The following HTR2A variants were observed in gnomAD, a reference collection of about 807,000 sequenced individuals.
The protein encoded by HTR2A is 5-HT2 receptor.
In HTR2A, 14 loss-of-function variants were observed where a neutral mutation model predicts 31.0. The ratio of observed to expected loss-of-function variants is 0.45; its 90% confidence interval spans 0.30 to 0.71. The LOEUF is 0.71. Among genes scored for constraint, HTR2A ranks in the 30% least tolerant of loss-of-function variants. HTR2A has a pLI of 0.09. For synonymous variants in HTR2A, 209 were observed against 225.2 expected (o/e 0.93, Z 0.64); for missense variants, 442 against 573.3 (o/e 0.77, Z 2.34).
rs1169032905 is a variant in HTR2A, at chr13:46,832,563, C to G, written c.*2274G>C. Reference sequence around the variant, plus strand: ...TTTCCCTAATATATAATGAAATGTGCAGAGTTACAAGTGAAGGCAAAATAC... The same window carrying G: ...TTTCCCTAATATATAATGAAATGTGGAGAGTTACAAGTGAAGGCAAAATAC... On this transcript the variant is annotated 3_prime_UTR_variant, in exon 4 of 4. Coordinates refer to ENST00000542664, the MANE Select transcript of HTR2A (RefSeq NM_000621.5). 1.3e-5 allele frequency: 2 copies of G among 152,116 alleles called. No individual in the cohort carries two copies. Among genetic ancestry groups the G allele is most frequent in the Non-Finnish European group, 2.9e-5 (2 of 68,024 alleles). 9.4% of individuals were successfully genotyped at this position (152,116 alleles called of 1,614,324 possible).
Position 46,895,413 on chromosome 13 carries a change from T to G in HTR2A, c.412+82A>C. 1 of 1,296,808 alleles carries G rather than the reference T, an allele frequency of 7.7e-7. No homozygotes were observed. The highest frequency in any genetic ancestry group is 2.4e-5 in the East Asian group (1 of 41,680). 80.3% of individuals were successfully genotyped at this position (1,296,808 alleles called of 1,614,324 possible). ...TTCTATTTATAGTTTGTTTGCCCCC[T>G]GAGCCCCATCTCATCTGCTGGTGGC... On this transcript the variant is annotated intron_variant, in intron 2 of 3. Transcript: ENST00000542664. The surrounding 1 kb of genome is among the most constrained non-coding windows in gnomAD (Gnocchi z 4.4).
At chr13:46,893,036 A>T (rs1225138730) in intron 2 of HTR2A, among the ~76,000 whole-genome samples, 1 of 152,214 alleles carries the variant, frequency 6.6e-6, no homozygotes, top group African/African-American at 2.4e-5. Context: ...AGTCATTATT[A>T]TAACCATCCA....
intron 3 of HTR2A, 42 bp downstream of exon 3, chr13:46,892,348 A>T: frequency 1.3e-6 from 2 of 1,565,564 alleles, no homozygotes; most frequent in Non-Finnish European, 1.8e-6. Flanking sequence ...GAAAGCACGA[A>T]CTGTCATTTC....
At chr13:46,892,783 A>T (rs1951064604) in intron 2 of HTR2A, among the ~76,000 whole-genome samples, 193 bp from the exon 3 acceptor site, 1 of 152,220 alleles carries the variant, frequency 6.6e-6, no homozygotes, top group South Asian at 2.1e-4. Context: ...TGGCTGATGA[A>T]TGCAGGGTTT....
At chr13:46,837,055 C>T (rs1950567480) in intron 3 of HTR2A, among the ~76,000 whole-genome samples, 1 of 152,114 alleles carries the variant, frequency 6.6e-6, no homozygotes, top group African/African-American at 2.4e-5. Flanking sequence ...TTCATTGCTC[C>T]ATCACCCAGA....
chr13:46,879,435 C>T (rs76305893), intron 3 of HTR2A, among the ~76,000 whole-genome samples: 3,357 of 152,176 alleles, frequency 0.022, 127 homozygotes, highest in African/African-American at 0.075. Context: ...GCCAATGTTG[C>T]TTTGCGACAT....
chr13:46,853,192 G>T (rs1950701804), intron 3 of HTR2A, among the ~76,000 whole-genome samples: 1 of 152,130 alleles, frequency 6.6e-6, no homozygotes, highest in Non-Finnish European at 1.5e-5. Context: ...AGGAGAAGGG[G>T]TTACAGCCTG....
At chr13:46,867,649 T>A (rs764581151) in intron 3 of HTR2A, among the ~76,000 whole-genome samples, 1 of 152,236 alleles carries the variant, frequency 6.6e-6, no homozygotes, top group Non-Finnish European at 1.5e-5. Flanking sequence ...CTGCTCATTA[T>A]GAAGATTTGG....
chr13:46,871,348 T>C (rs989025159), intron 3 of HTR2A, among the ~76,000 whole-genome samples: 2 of 152,200 alleles, frequency 1.3e-5, no homozygotes, highest in African/African-American at 2.4e-5. Flanking sequence ...TTTATGATTA[T>C]TCAATTCTAC....
intron 3 of HTR2A, among the ~76,000 whole-genome samples, chr13:46,878,682 G>C (rs952102066): frequency 6.6e-6 from 1 of 152,168 alleles, no homozygotes; most frequent in African/African-American, 2.4e-5. Context: ...GGAGTGGGAA[G>C]GAGCTGAGGA....
chr13:46,868,440 T>C (rs377469007), intron 3 of HTR2A, among the ~76,000 whole-genome samples: 17 of 152,340 alleles, frequency 1.1e-4, no homozygotes, highest in African/African-American at 3.6e-4. Context: ...GAGGGGGTCA[T>C]TCATACGACC....
chr13:46,893,148 T>C (rs1460777075), intron 2 of HTR2A, among the ~76,000 whole-genome samples: 2 of 152,176 alleles, frequency 1.3e-5, no homozygotes, highest in Non-Finnish European at 2.9e-5. Flanking sequence ...AAAATAATGA[T>C]CTAATAATGC....
At chr13:46,839,162 A>G (rs1950580794) in intron 3 of HTR2A, among the ~76,000 whole-genome samples, 1 of 152,108 alleles carries the variant, frequency 6.6e-6, no homozygotes, top group African/African-American at 2.4e-5. Flanking sequence ...GAAGGGGGAT[A>G]TTAATTTGGA....
chr13:46,889,803 A>C (rs1428288694), intron 3 of HTR2A, among the ~76,000 whole-genome samples: 1 of 152,254 alleles, frequency 6.6e-6, no homozygotes, highest in Non-Finnish European at 1.5e-5. Flanking sequence ...CACTAGAAGA[A>C]AACTCAAGAG....
At chr13:46,874,145 A>G (rs1950887511) in intron 3 of HTR2A, among the ~76,000 whole-genome samples, 1 of 152,226 alleles carries the variant, frequency 6.6e-6, no homozygotes, top group African/African-American at 2.4e-5. Context: ...TTGCCTGACA[A>G]TTGGAACGTG....
chr13:46,862,202 G>A (rs1257261785), intron 3 of HTR2A, among the ~76,000 whole-genome samples: 2 of 152,162 alleles, frequency 1.3e-5, no homozygotes, highest in East Asian at 3.8e-4. Context: ...CTAACAGTCA[G>A]TACACAGCAT....
intron 3 of HTR2A, among the ~76,000 whole-genome samples, chr13:46,868,941 AG>A (rs1353224464): frequency 1.3e-5 from 2 of 152,340 alleles, no homozygotes; most frequent in East Asian, 3.9e-4. Context: ...ATAATAAGCA[AG>A]CAAACAGTGA....
At chr13:46,889,662 T>C (rs1951035444) in intron 3 of HTR2A, among the ~76,000 whole-genome samples, 1 of 152,218 alleles carries the variant, frequency 6.6e-6, no homozygotes, top group South Asian at 2.1e-4. Flanking sequence ...AAAAAAGCTT[T>C]AGTTACTAGT....
rs1593446512 is a variant in HTR2A at position 46,892,466 on chromosome 13, A to G, written c.537T>C (p.Asn179=). 6.2e-7 allele frequency: 1 copy of G among 1,614,196 alleles called. No homozygotes were observed. The highest frequency in any genetic ancestry group is 8.5e-7 in the Non-Finnish European group (1 of 1,180,034). Residue 179 remains asparagine, a synonymous_variant, in exon 3 of 4, where the codon AAT becomes AAC. Coordinates refer to ENST00000542664, the MANE Select transcript of HTR2A (RefSeq NM_000621.5). ...AGTTGAAGCGGCTGTGGTGGATGGG[A>G]TTCTGGATGGCGACGTAGCGGTCCA... ...ISLDRYVAIQ[N]PIHHSRFNSR...
Sources: gnomAD v4.1 joint callset for allele counts (sites outside exome capture counted in the v4.1 genomes callset) on GRCh38, gnomAD v4.1.1 for gene constraint, Gnocchi (gnomAD v3.1) non-coding constraint, MANE v1.5 for transcripts, NCBI Gene and HGNC (gene_info 2026-07-23, HGNC 2026-07-21) for gene names.